Variants in CHRM2 observed in about 807,000 individuals in gnomAD.
The protein encoded by CHRM2 is cholinergic receptor muscarinic 2.
In CHRM2, 8 loss-of-function variants were observed where a neutral mutation model predicts 25.0. That is an observed-to-expected ratio of 0.32 (90% CI 0.19 to 0.58). CHRM2 has a LOEUF of 0.58. Among genes scored for constraint, CHRM2 ranks in the 20% least tolerant of loss-of-function variants. CHRM2 has a pLI of 0.88. For synonymous variants in CHRM2, 202 were observed against 205.7 expected (o/e 0.98, Z 0.15); for missense variants, 440 against 567.1 (o/e 0.78, Z 2.28).
chr7:136,909,938 G>T lies in CHRM2; in HGVS notation c.-125+40520G>T, dbSNP rs148343974. Among the ~76,000 whole-genome samples the T allele has an allele frequency of 2.6e-5, 4 of 151,758 alleles. No individual in the cohort carries two copies. The East Asian group carries it at 7.8e-4, about 30-fold the overall frequency. ...AAACAATGGGTGAAAAAGTGTTATT[G>T]GTTGGATACATTTTTCCTCCATGAT... On this transcript the variant is annotated intron_variant, in intron 2 of 3. Transcript: ENST00000680005.
In CHRM2 at chr7:137,017,903, G is replaced by A. The variant is rs1268618528; in HGVS notation, c.*1637G>A. ...AATAAATATAGGATTAGGATTATAC[G>A]GATTCACATACAACTAGTTATTTTT... On this transcript the variant is annotated 3_prime_UTR_variant, in exon 4 of 4. Coordinates refer to ENST00000680005, the MANE Select transcript of CHRM2 (RefSeq NM_001006630.2). 6 of 151,702 alleles carry A rather than the reference G, an allele frequency of 4.0e-5. No homozygotes were observed. Among genetic ancestry groups the A allele is most frequent in the Admixed American group, 6.6e-5 (1 of 15,190 alleles). The allele number at this position is 151,702 out of a possible 1,614,324, so 9.4% of individuals were successfully genotyped here. A position where few individuals can be genotyped will look rare whatever the true frequency, so the allele number is the denominator to read the frequency against.
chr7:136,981,307 A>T (rs913989679), intron 2 of CHRM2, among the ~76,000 whole-genome samples: 1 of 152,182 alleles, frequency 6.6e-6, no homozygotes, highest in Non-Finnish European at 1.5e-5. Context: ...ATCATTTTTC[A>T]TTGTGTCTAT....
chr7:136,932,454 C>A (rs1038829141), intron 2 of CHRM2, among the ~76,000 whole-genome samples: 1 of 152,166 alleles, frequency 6.6e-6, no homozygotes, highest in Admixed American at 6.5e-5. Flanking sequence ...CTTTTCTAGT[C>A]AGACAGAATA....
chr7:136,878,405 T>G (rs898742805), intron 2 of CHRM2, among the ~76,000 whole-genome samples: 1 of 151,896 alleles, frequency 6.6e-6, no homozygotes, highest in African/African-American at 2.4e-5. Flanking sequence ...GGAGGAAGGG[T>G]AGATGATATA....
chr7:136,980,495 TGA>T (rs1325492829), intron 2 of CHRM2, among the ~76,000 whole-genome samples: 1 of 152,206 alleles, frequency 6.6e-6, no homozygotes, highest in Non-Finnish European at 1.5e-5. Flanking sequence ...ATAGGAGTGG[TGA>T]GAGAGGGCAT....
intron 3 of CHRM2, among the ~76,000 whole-genome samples, chr7:137,010,880 G>A (rs1051830971): frequency 2.0e-5 from 3 of 151,824 alleles, no homozygotes; most frequent in African/African-American, 7.3e-5. Context: ...ACACGTTACT[G>A]GATAGAGTAT....
chr7:136,954,445 T>C (rs931353817), intron 2 of CHRM2, among the ~76,000 whole-genome samples: 3 of 152,206 alleles, frequency 2.0e-5, no homozygotes, highest in Non-Finnish European at 4.4e-5. Context: ...CCATATTACC[T>C]GTCTTTCTCT....
chr7:136,986,347 T>C (rs542835591), intron 2 of CHRM2, among the ~76,000 whole-genome samples: 84 of 152,288 alleles, frequency 5.5e-4, no homozygotes, highest in African/African-American at 1.9e-3. Context: ...TTAGTACTTT[T>C]CTATACCCTA....
At chr7:136,946,358 C>T (rs1800073548) in intron 2 of CHRM2, among the ~76,000 whole-genome samples, 1 of 152,156 alleles carries the variant, frequency 6.6e-6, no homozygotes, top group Non-Finnish European at 1.5e-5. Context: ...GCCAATTAGG[C>T]ACTCTGCCGA....
chr7:136,959,911 A>AAAAAAC (rs1299330919), intron 2 of CHRM2, among the ~76,000 whole-genome samples: 1 of 152,120 alleles, frequency 6.6e-6, no homozygotes. Context: ...AACTCCGTCC[A>AAAAAAC]AAAAACAAAA....
chr7:136,954,107 C>T (rs1023968172), intron 2 of CHRM2, among the ~76,000 whole-genome samples: 2 of 152,110 alleles, frequency 1.3e-5, no homozygotes, highest in Admixed American at 6.6e-5. Context: ...TGAGCTGACA[C>T]CTTGATAAGC....
chr7:137,001,574 T>G (rs1584906150), intron 3 of CHRM2, among the ~76,000 whole-genome samples: 1 of 152,018 alleles, frequency 6.6e-6, no homozygotes, highest in Non-Finnish European at 1.5e-5. Context: ...CAGAGAGAAG[T>G]CTGGTTGGGG....
intron 2 of CHRM2, among the ~76,000 whole-genome samples, chr7:136,922,580 C>T (rs924121152): frequency 5.3e-5 from 8 of 152,174 alleles, no homozygotes; most frequent in Admixed American, 2.0e-4. Context: ...CCCTCATCTT[C>T]CTGCCCTGTC....
chr7:136,986,048 A>G (rs562729845), intron 2 of CHRM2, among the ~76,000 whole-genome samples: 2 of 152,214 alleles, frequency 1.3e-5, no homozygotes, highest in East Asian at 1.9e-4. Flanking sequence ...CAATAACTAC[A>G]CCAAGTGACC....
intron 2 of CHRM2, among the ~76,000 whole-genome samples, chr7:136,961,179 G>T (rs1345337539): frequency 6.6e-6 from 1 of 151,754 alleles, no homozygotes; most frequent in Non-Finnish European, 1.5e-5. Flanking sequence ...ATACTTCAAG[G>T]ACCCATAAAA....
chr7:136,995,997 G>GGA (rs1264513339), intron 3 of CHRM2, among the ~76,000 whole-genome samples: 1 of 151,746 alleles, frequency 6.6e-6, no homozygotes, highest in Non-Finnish European at 1.5e-5. Context: ...GGAATAGAAT[G>GGA]GAAAGCCCAG....
At chr7:136,955,359 A>G (rs1359503452) in intron 2 of CHRM2, among the ~76,000 whole-genome samples, 2 of 152,162 alleles carry the variant, frequency 1.3e-5, no homozygotes, top group East Asian at 3.9e-4. Flanking sequence ...GCTTCAACTT[A>G]GCATTTGTTT....
intron 2 of CHRM2, among the ~76,000 whole-genome samples, chr7:136,940,029 T>C (rs1445207177): frequency 6.6e-6 from 1 of 152,220 alleles, no homozygotes; most frequent in Admixed American, 6.5e-5. Flanking sequence ...AGCAATATAT[T>C]TGTGGATAAG....
At position 136,891,865 on chromosome 7, in the gene CHRM2, T is replaced by C. The variant is rs573744954; in HGVS notation, c.-125+22447T>C. On this transcript the variant is annotated intron_variant, in intron 2 of 3. Transcript: ENST00000680005. ...TGCCGCTCCTCAGAAGTCCTTTCCC[T>C]GTGAATCCAGTCTGAAATAGTGGCT... Among the ~76,000 whole-genome samples, 6 of 152,366 alleles carry C rather than the reference T, an allele frequency of 3.9e-5. No homozygotes were observed. In the East Asian group the frequency reaches 1.2e-3, roughly 29 times the overall value.
Sources: gnomAD v4.1 joint callset for allele counts (sites outside exome capture counted in the v4.1 genomes callset) on GRCh38, gnomAD v4.1.1 for gene constraint, MANE v1.5 for transcripts, NCBI Gene and HGNC (gene_info 2026-07-23, HGNC 2026-07-21) for gene names.